The following ZDHHC14 variants were observed in gnomAD, a reference collection of about 807,000 sequenced individuals.
ZDHHC14 encodes zDHHC palmitoyltransferase 14.
ZDHHC14 carries 16 observed loss-of-function variants against 47.7 expected under a neutral mutation model. That is an observed-to-expected ratio of 0.34 (90% CI 0.23 to 0.51). The LOEUF is 0.51. Ranked by LOEUF, ZDHHC14 falls within the 20% of genes least tolerant of loss-of-function variation. The pLI is 0.97. For synonymous variants in ZDHHC14, 293 were observed against 278.9 expected (o/e 1.05, Z -0.50); for missense variants, 515 against 662.5 (o/e 0.78, Z 2.44).
chr6:157,628,228 A>C, intron 3 of ZDHHC14, 121 bp from the exon 4 acceptor site: 1 of 1,014,514 alleles, frequency 9.9e-7, no homozygotes, highest in Non-Finnish European at 1.4e-6. Context: ...GGAAATATGC[A>C]GAATAATATC....
chr6:157,612,035 A>G (rs1398342049), intron 3 of ZDHHC14, among the ~76,000 whole-genome samples: 1 of 148,284 alleles, frequency 6.7e-6, no homozygotes, highest in Non-Finnish European at 1.5e-5. Flanking sequence ...ATCTTTCCCC[A>G]GTGACCCCCC....
At chr6:157,448,286 C>T (rs2114799845) in intron 1 of ZDHHC14, among the ~76,000 whole-genome samples, 1 of 152,208 alleles carries the variant, frequency 6.6e-6, no homozygotes, top group South Asian at 2.1e-4. Flanking sequence ...CTTTGTTCTA[C>T]CATTCACCTT....
chr6:157,392,485 C>T (rs1777436235), intron 1 of ZDHHC14, among the ~76,000 whole-genome samples: 1 of 152,140 alleles, frequency 6.6e-6, no homozygotes, highest in African/African-American at 2.4e-5. Context: ...TATTCTTCCT[C>T]TCTGTGTCAT....
chr6:157,502,348 G>A lies in ZDHHC14; in HGVS notation c.246-40237G>A, dbSNP rs1360494347. The stretch of plus-strand genomic sequence containing the variant: ...CCAAAAGTGTCCCCATACATGTTGA[G>A]AGAGAGTGGATGACAGAGCAGTCAG... On this transcript the variant is annotated intron_variant, in intron 1 of 8. Transcript: ENST00000359775. The surrounding 1 kb of genome is among the most constrained non-coding windows in gnomAD (Gnocchi z 4.0). 6.6e-6 allele frequency among the ~76,000 whole-genome samples: 1 copy of A among 152,232 alleles called. No homozygotes were observed. The highest frequency in any genetic ancestry group is 2.4e-5 in the African/African-American group (1 of 41,458).
chr6:157,482,233 A>G (rs148405286), intron 1 of ZDHHC14, among the ~76,000 whole-genome samples: 2,317 of 150,248 alleles, frequency 0.015, 31 homozygotes, highest in Non-Finnish European at 0.023. Context: ...AAGTGAGGAC[A>G]CCTAACGTCT....
intron 3 of ZDHHC14, among the ~76,000 whole-genome samples, chr6:157,602,379 A>G (rs530061265): frequency 1.3e-5 from 2 of 151,052 alleles, no homozygotes; most frequent in South Asian, 2.1e-4. Context: ...AATCCCAGCT[A>G]CTAGGAAGGC....
At chr6:157,659,869 A>G (rs1031059559) in intron 8 of ZDHHC14, among the ~76,000 whole-genome samples, 1 of 152,252 alleles carries the variant, frequency 6.6e-6, no homozygotes, top group Admixed American at 6.5e-5. Context: ...AAACAAATAC[A>G]CAAATCCGTT....
chr6:157,625,688 C>T (rs1237408805), intron 3 of ZDHHC14, among the ~76,000 whole-genome samples: 1 of 151,902 alleles, frequency 6.6e-6, no homozygotes, highest in African/African-American at 2.4e-5. Context: ...CCGGAGGCAC[C>T]CGCCGAGCCT....
chr6:157,382,278 C>G lies in ZDHHC14; in HGVS notation c.245+12C>G, dbSNP rs1290527135. On this transcript the variant is annotated intron_variant, in intron 1 of 8. Coordinates refer to ENST00000359775, the MANE Select transcript of ZDHHC14 (RefSeq NM_024630.3). Reference sequence around the variant, plus strand: ...TTCTTCGCCTTCGAGTAAGTGGTGGCGACCGCTCCCCCGACGCCGCACTCC... The same window carrying G: ...TTCTTCGCCTTCGAGTAAGTGGTGGGGACCGCTCCCCCGACGCCGCACTCC... 6.2e-7 allele frequency: 1 copy of G among 1,609,594 alleles called. No individual in the cohort carries two copies. Among genetic ancestry groups the G allele is most frequent in the Non-Finnish European group, 8.5e-7 (1 of 1,178,284 alleles).
chr6:157,651,994 A>G (rs993564432), intron 7 of ZDHHC14, among the ~76,000 whole-genome samples: 1 of 152,168 alleles, frequency 6.6e-6, no homozygotes, highest in South Asian at 2.1e-4. Flanking sequence ...CCCTTCTCCA[A>G]GACAGCCTTC....
intron 1 of ZDHHC14, among the ~76,000 whole-genome samples, chr6:157,505,465 A>T (rs1183569047): frequency 6.6e-6 from 1 of 152,246 alleles, no homozygotes; most frequent in East Asian, 1.9e-4. Context: ...AGAGAAGTCC[A>T]CATCATCTCA....
In ZDHHC14 at chr6:157,562,816, C is replaced by T. The variant is rs1216902913; in HGVS notation, c.406+20071C>T. On this transcript the variant is annotated intron_variant, in intron 2 of 8. Transcript: ENST00000359775. Reference sequence around the variant, plus strand: ...GTGCTGTGGAGAGGGGCAGCCTCCTCAGAAAATGGAGGTTGTGTCAGCTAG... The same window carrying T: ...GTGCTGTGGAGAGGGGCAGCCTCCTTAGAAAATGGAGGTTGTGTCAGCTAG... Among the ~76,000 whole-genome samples, 6 of 152,252 alleles carry T rather than the reference C, an allele frequency of 3.9e-5. No individual in the cohort carries two copies. The East Asian group carries it at 5.8e-4, about 15-fold the overall frequency.
chr6:157,424,741 T>C (rs1032858158), intron 1 of ZDHHC14, among the ~76,000 whole-genome samples: 3 of 152,302 alleles, frequency 2.0e-5, no homozygotes, highest in South Asian at 2.1e-4. Context: ...CCGGGAGTCC[T>C]GGTTTGACTT....
rs187137979 is a variant in ZDHHC14, at chr6:157,518,670, G to A, written c.246-23915G>A. 3.2e-4 allele frequency among the ~76,000 whole-genome samples: 47 copies of A among 145,614 alleles called. 1 individual carries two copies. The East Asian group carries it at 9.5e-3, about 29-fold the overall frequency. On this transcript the variant is annotated intron_variant, in intron 1 of 8. Transcript: ENST00000359775. ...CCCAACTCACCCTAGTTGTGAAACG[G>A]TGCCCAATTTTTCCAGTTGTTTCAC...
rs931560834 is a variant in ZDHHC14 at position 157,477,631 on chromosome 6, TA to T, written c.246-64946del. Among the ~76,000 whole-genome samples the T allele has an allele frequency of 3.9e-5, 6 of 152,014 alleles. No individual in the cohort carries two copies. In the South Asian group the frequency reaches 6.2e-4, roughly 16 times the overall value. On this transcript the variant is annotated intron_variant, in intron 1 of 8. Coordinates refer to ENST00000359775, the MANE Select transcript of ZDHHC14 (RefSeq NM_024630.3). Reference sequence around the variant, plus strand: ...TTCTTTTCTTTTAAACTCACCCTTATAAAAAAAACTCATTTGGCTAAACAGT... The same window carrying T: ...TTCTTTTCTTTTAAACTCACCCTTATAAAAAAACTCATTTGGCTAAACAGT...
chr6:157,643,706 T>G (rs1355569444), intron 5 of ZDHHC14, among the ~76,000 whole-genome samples: 1 of 142,644 alleles, frequency 7.0e-6, no homozygotes, highest in African/African-American at 2.6e-5. Flanking sequence ...GCTATAAACC[T>G]TTAGAATTCT....
intron 5 of ZDHHC14, among the ~76,000 whole-genome samples, chr6:157,635,066 T>C (rs1043617548): frequency 2.0e-4 from 30 of 152,144 alleles, no homozygotes; most frequent in African/African-American, 7.2e-4. Flanking sequence ...CGATCTCGGC[T>C]CACTGCAACC....
At chr6:157,599,346 C>T (rs1055871566) in intron 3 of ZDHHC14, among the ~76,000 whole-genome samples, 14 of 152,208 alleles carry the variant, frequency 9.2e-5, no homozygotes, top group Non-Finnish European at 1.3e-4. Flanking sequence ...AGGACGTTTG[C>T]GGCACCACCA....
At chr6:157,571,783 T>A (rs1014891026) in intron 2 of ZDHHC14, among the ~76,000 whole-genome samples, 17 of 151,118 alleles carry the variant, frequency 1.1e-4, no homozygotes, top group Admixed American at 6.6e-4. Context: ...TGTATTTTTT[T>A]TTTTTTTTTT....
Sources: gnomAD v4.1 joint callset for allele counts (sites outside exome capture counted in the v4.1 genomes callset) on GRCh38, gnomAD v4.1.1 for gene constraint, Gnocchi (gnomAD v3.1) non-coding constraint, MANE v1.5 for transcripts, NCBI Gene and HGNC (gene_info 2026-07-23, HGNC 2026-07-21) for gene names.